HSD17B12: variants seen among roughly 807,000 people sequenced by gnomAD.
The protein encoded by HSD17B12 is very-long-chain 3-oxoacyl-CoA reductase.
HSD17B12 carries 32 observed loss-of-function variants against 39.3 expected under a neutral mutation model. That is an observed-to-expected ratio of 0.81 (90% CI 0.61 to 1.09). The LOEUF is 1.09. Ranked by LOEUF, HSD17B12 falls within the 50% of genes least tolerant of loss-of-function variation. The pLI, the probability that HSD17B12 is intolerant of heterozygous loss-of-function variation, is 0.00. For synonymous variants in HSD17B12, 150 were observed against 146.7 expected (o/e 1.02, Z -0.16); for missense variants, 342 against 382.9 (o/e 0.89, Z 0.89).
intron 6 of HSD17B12, 121 bp from the exon 7 acceptor site, chr11:43,830,855 T>C (rs1330791464): frequency 8.2e-6 from 6 of 734,046 alleles, no homozygotes; most frequent in East Asian, 2.7e-5. Context: ...TAACCTGCTG[T>C]CTGTAGAAGT....
At chr11:43,631,979 C>A in the HSD17B12 span, among the ~76,000 whole-genome samples, 6 of 151,980 alleles carry the variant, frequency 3.9e-5, no homozygotes, top group East Asian at 1.2e-3. Flanking sequence ...GGCAGCTGGT[C>A]GGTTACTACT....
At chr11:43,760,308 C>G (rs11037605) in intron 3 of HSD17B12, among the ~76,000 whole-genome samples, 70 of 152,300 alleles carry the variant, frequency 4.6e-4, no homozygotes, top group Admixed American at 1.9e-3. Flanking sequence ...CCTTGGCCCC[C>G]CAAAGTGCTG....
the HSD17B12 span, among the ~76,000 whole-genome samples, chr11:43,628,270 TCACTTTC>T: frequency 6.6e-6 from 1 of 152,050 alleles, no homozygotes; most frequent in Non-Finnish European, 1.5e-5. Context: ...CTGGTCTTGA[TCACTTTC>T]CACTGTCACT....
the HSD17B12 span, among the ~76,000 whole-genome samples, chr11:43,655,769 T>C: frequency 3.9e-5 from 6 of 152,202 alleles, no homozygotes; most frequent in Non-Finnish European, 7.3e-5. Context: ...TTGATCATGA[T>C]GGATAAGCTT....
chr11:43,606,160 AAAGG>A, the HSD17B12 span, among the ~76,000 whole-genome samples: 3 of 152,222 alleles, frequency 2.0e-5, no homozygotes, highest in Non-Finnish European at 4.4e-5. Context: ...GCTTCTCATG[AAAGG>A]AGTAGTGTAG....
intron 6 of HSD17B12, among the ~76,000 whole-genome samples, chr11:43,827,297 G>A (rs1951252944): frequency 6.6e-6 from 1 of 152,102 alleles, no homozygotes; most frequent in Admixed American, 6.5e-5. Flanking sequence ...TGAACATTAT[G>A]CAATCATGTT....
chr11:43,783,708 A>G (rs1016281761), intron 3 of HSD17B12, among the ~76,000 whole-genome samples: 93 of 152,150 alleles, frequency 6.1e-4, no homozygotes, highest in African/African-American at 2.2e-3. Context: ...GCTGAGAATG[A>G]TGGTTTCCAG....
rs146583855 is a variant in HSD17B12, at chr11:43,691,447, C to G, written c.160+10460C>G. On this transcript the variant is annotated intron_variant, in intron 1 of 10. Transcript: ENST00000278353. ...AAGTAGCCAGTTTGCTCCCTCATCT[C>G]TAAGTCTTAGAATCATGCTTTCCTT... Among the ~76,000 whole-genome samples, 303 of 152,322 alleles carry G rather than the reference C, an allele frequency of 2.0e-3. 1 individual carries two copies. The highest frequency in any genetic ancestry group is 2.0e-3 in the Non-Finnish European group (137 of 68,028).
Position 43,680,990 on chromosome 11 carries a change from G to A in HSD17B12, c.160+3G>A, listed in dbSNP as rs1399384327. On this transcript the variant is annotated splice_donor_region_variant and intron_variant, in intron 1 of 10. Coordinates refer to ENST00000278353, the MANE Select transcript of HSD17B12 (RefSeq NM_016142.3). ...CCCGGGGCTCGGAGAATGGGCAGGTGAGTCGGATGCAGCGCCGCGTCCTCG... is the reference window on the plus strand; with the variant it reads ...CCCGGGGCTCGGAGAATGGGCAGGTAAGTCGGATGCAGCGCCGCGTCCTCG... 1 of 1,591,586 alleles carries A rather than the reference G, an allele frequency of 6.3e-7. No homozygotes were observed. Among genetic ancestry groups the A allele is most frequent in the African/African-American group, 1.3e-5 (1 of 74,438 alleles).
the HSD17B12 span, among the ~76,000 whole-genome samples, chr11:43,654,345 T>C: frequency 6.6e-6 from 1 of 152,292 alleles, no homozygotes; most frequent in East Asian, 1.9e-4. Context: ...TTCTGTAGGT[T>C]GCCTGTTCAC....
At chr11:43,760,298 C>T (rs1315065402) in intron 3 of HSD17B12, among the ~76,000 whole-genome samples, 3 of 152,172 alleles carry the variant, frequency 2.0e-5, no homozygotes, top group African/African-American at 7.2e-5. Flanking sequence ...GATCCTCCCA[C>T]CTTGGCCCCC....
At chr11:43,700,069 T>C (rs1450630652) in intron 1 of HSD17B12, among the ~76,000 whole-genome samples, 4 of 152,122 alleles carry the variant, frequency 2.6e-5, no homozygotes, top group African/African-American at 9.7e-5. Flanking sequence ...AGTTTGGGTA[T>C]TTATACACCA....
At chr11:43,700,039 T>G (rs1204693074) in intron 1 of HSD17B12, among the ~76,000 whole-genome samples, 1 of 152,084 alleles carries the variant, frequency 6.6e-6, no homozygotes. Flanking sequence ...TTCAGGGTTA[T>G]CTTATCTGAG....
chr11:43,714,264 A>G (rs12280333), intron 1 of HSD17B12, among the ~76,000 whole-genome samples: 46 of 152,324 alleles, frequency 3.0e-4, no homozygotes, highest in African/African-American at 1.1e-3. Context: ...TAGGTCTAAC[A>G]TTTAAGTCTT....
intron 1 of HSD17B12, chr11:43,723,998 T>G: frequency 6.6e-6 from 1 of 152,158 alleles, no homozygotes. Context: ...TATTAGATGC[T>G]TCAATTCTAA....
chr11:43,669,390 A>G, the HSD17B12 span, among the ~76,000 whole-genome samples: 2 of 152,210 alleles, frequency 1.3e-5, no homozygotes, highest in African/African-American at 4.8e-5. Flanking sequence ...AATCCCAGCT[A>G]CTTGGGAGGT....
At chr11:43,820,485 C>T (rs1187017486) in intron 6 of HSD17B12, among the ~76,000 whole-genome samples, 1 of 152,142 alleles carries the variant, frequency 6.6e-6, no homozygotes, top group Non-Finnish European at 1.5e-5. Flanking sequence ...GCCAGGGCCA[C>T]ATTTTCAGTA....
chr11:43,733,357 C>T (rs927559596), intron 1 of HSD17B12, among the ~76,000 whole-genome samples: 1 of 152,106 alleles, frequency 6.6e-6, no homozygotes. Flanking sequence ...TTATTATCTA[C>T]CACCCTCCTA....
intron 3 of HSD17B12, among the ~76,000 whole-genome samples, chr11:43,774,047 A>T (rs753031126): frequency 7.9e-5 from 12 of 152,150 alleles, no homozygotes; most frequent in Non-Finnish European, 8.8e-5. Flanking sequence ...CAGGCTGGTG[A>T]TAGGAATGAT....
Sources: allele counts gnomAD v4.1 joint callset (sites outside exome capture counted in the v4.1 genomes callset), GRCh38; gene constraint gnomAD v4.1.1; transcripts MANE v1.5; gene names NCBI Gene and HGNC (gene_info 2026-07-23, HGNC 2026-07-21).